TLL2: variants seen among roughly 807,000 people sequenced by gnomAD.
The protein encoded by TLL2 is tolloid like 2, also known as tolloid-like protein 2.
Under a neutral mutation model 123.0 loss-of-function variants are expected in TLL2, and 106 were observed. The observed-to-expected ratio is 0.86, with a 90% CI of 0.74 to 1.01. TLL2 has a LOEUF of 1.01. Ranked by LOEUF, TLL2 falls within the 50% of genes least tolerant of loss-of-function variation. TLL2 has a pLI of 0.00. For missense variants in TLL2, 1,332 were observed against 1,336.7 expected, an observed-to-expected ratio of 1.00 and a Z score of 0.06; for synonymous variants, 494 against 516.8, an observed-to-expected ratio of 0.96 and a Z score of 0.60.
In TLL2 at chr10:96,390,089, A is replaced by G. The variant is rs1437556638; in HGVS notation, c.1727-3011T>C. Among the ~76,000 whole-genome samples, 3 of 152,266 alleles carry G rather than the reference A, an allele frequency of 2.0e-5. No homozygotes were observed. In the East Asian group the frequency reaches 5.8e-4, roughly 29 times the overall value. On this transcript the variant is annotated intron_variant, in intron 13 of 20. Coordinates refer to ENST00000357947, the MANE Select transcript of TLL2 (RefSeq NM_012465.4). ...AAATCTGGGAGAGCGTGGCAGTAGA[A>G]GAGACTGGAAGCAGCATTCAGCTTA...
intron 4 of TLL2, among the ~76,000 whole-genome samples, chr10:96,430,576 T>C (rs951513291): frequency 1.3e-5 from 2 of 152,200 alleles, no homozygotes; most frequent in Non-Finnish European, 2.9e-5. Flanking sequence ...AAAACATTCA[T>C]ATAGAATAAA....
chr10:96,447,261 C>T (rs1046378403), intron 2 of TLL2, among the ~76,000 whole-genome samples: 3 of 152,244 alleles, frequency 2.0e-5, no homozygotes, highest in African/African-American at 4.8e-5. Context: ...CAGGCCCACA[C>T]GGCCTTGCCA....
chr10:96,489,894 C>T (rs548698283), intron 1 of TLL2, among the ~76,000 whole-genome samples: 6 of 152,078 alleles, frequency 3.9e-5, no homozygotes, highest in Non-Finnish European at 7.4e-5. Context: ...GTCAGGAGTT[C>T]GAGACCAGCC....
intron 13 of TLL2, among the ~76,000 whole-genome samples, chr10:96,394,122 G>T (rs946600453): frequency 6.6e-6 from 1 of 152,178 alleles, no homozygotes; most frequent in African/African-American, 2.4e-5. Flanking sequence ...AGAGGAGAAT[G>T]GAAGCAAGGG....
At chr10:96,388,264 G>A (rs1449796012) in intron 13 of TLL2, among the ~76,000 whole-genome samples, 1 of 152,094 alleles carries the variant, frequency 6.6e-6, no homozygotes, top group Non-Finnish European at 1.5e-5. Context: ...AGCCGGGAGT[G>A]GTGGTGCATG....
At chr10:96,421,964 C>T (rs1846628332) in intron 6 of TLL2, among the ~76,000 whole-genome samples, 1 of 152,186 alleles carries the variant, frequency 6.6e-6, no homozygotes, top group Non-Finnish European at 1.5e-5. Context: ...TTCTCTAAAG[C>T]ATTTGTAAGG....
At chr10:96,497,205 G>T (rs1847486218) in intron 1 of TLL2, among the ~76,000 whole-genome samples, 1 of 152,068 alleles carries the variant, frequency 6.6e-6, no homozygotes, top group South Asian at 2.1e-4. Flanking sequence ...CAGGAGAATT[G>T]CTTGAACCTG....
chr10:96,413,187 G>C lies in TLL2; in HGVS notation c.1048+5C>G. 3 of 1,613,922 alleles carry C rather than the reference G, an allele frequency of 1.9e-6. No homozygotes were observed. The highest frequency in any genetic ancestry group is 2.2e-5 in the South Asian group (2 of 91,070). On this transcript the variant is annotated splice_donor_5th_base_variant and intron_variant, in intron 8 of 20. Coordinates refer to ENST00000357947, the MANE Select transcript of TLL2 (RefSeq NM_012465.4). ...GTGCTGGCAGTCCCCACGGCTCATA[G>C]TTACCTGGGCATTTGTACAGCTTCC... is the stretch of plus-strand genomic sequence containing the variant.
chr10:96,431,334 C>T (rs539494510), intron 4 of TLL2, among the ~76,000 whole-genome samples: 4 of 152,132 alleles, frequency 2.6e-5, no homozygotes, highest in African/African-American at 7.2e-5. Context: ...GCTGCGGGAG[C>T]GAAAGGGAAC....
chr10:96,487,493 G>T (rs533115917), intron 1 of TLL2, among the ~76,000 whole-genome samples: 13 of 152,242 alleles, frequency 8.5e-5, no homozygotes, highest in Middle Eastern at 3.4e-3. Context: ...AAATCATGCT[G>T]CTATACTCAT....
At chr10:96,484,705 A>C (rs1847341683) in intron 1 of TLL2, among the ~76,000 whole-genome samples, 1 of 152,164 alleles carries the variant, frequency 6.6e-6, no homozygotes. Context: ...AAGAAAAATA[A>C]AATTTATGGA....
chr10:96,486,169 A>G (rs1484872768), intron 1 of TLL2, among the ~76,000 whole-genome samples: 1 of 152,248 alleles, frequency 6.6e-6, no homozygotes, highest in African/African-American at 2.4e-5. Context: ...TCATGAAAAG[A>G]AAATAATAAG....
chr10:96,511,196 C>T (rs528045649), intron 1 of TLL2, among the ~76,000 whole-genome samples: 1 of 152,316 alleles, frequency 6.6e-6, no homozygotes, highest in African/African-American at 2.4e-5. Context: ...TGGGAGGCTG[C>T]CCCTAAAGGT....
chr10:96,446,136 G>C lies in TLL2; in HGVS notation c.319C>G (p.Pro107Ala), dbSNP rs746900431. Residue 107 changes from proline (P) to alanine (A), a missense_variant, in exon 3 of 21, where the codon CCA (proline) becomes GCA (alanine). Pro to Ala is a conservative substitution (Grantham distance 27). Transcript: ENST00000357947. ...CCAGTGTCCATGGCTGTGGTGTCTG[G>C]GCTGCTCTCAGATGCCTGCTCTTCA... Reference protein sequence around the residue: ...GLEEQASESSPDTTAMDTGTK... With the variant: ...GLEEQASESSADTTAMDTGTK... 2 of 1,614,058 alleles carry C rather than the reference G, an allele frequency of 1.2e-6. No homozygotes were observed. Among genetic ancestry groups the C allele is most frequent in the South Asian group, 2.2e-5 (2 of 91,058 alleles).
chr10:96,432,801 A>G lies in TLL2; in HGVS notation c.520+6T>C. On this transcript the variant is annotated splice_donor_region_variant and intron_variant, in intron 4 of 20. Transcript: ENST00000357947. ...CCCAAAGCAGACCTTGTCTGTGGCT[A>G]CTGACCAGTGAAGTTCCCTCCAATG... The G allele has an allele frequency of 1.9e-6, 3 of 1,612,984 alleles. No individual in the cohort carries two copies. The highest frequency in any genetic ancestry group is 1.7e-6 in the Non-Finnish European group (2 of 1,179,220).
chr10:96,440,774 C>T (rs369063361), intron 3 of TLL2, among the ~76,000 whole-genome samples: 1 of 152,132 alleles, frequency 6.6e-6, no homozygotes, highest in African/African-American at 2.4e-5. Flanking sequence ...TGACAGCTTC[C>T]CCTTTGGTCC....
At chr10:96,474,702 A>G (rs1357126653) in intron 2 of TLL2, among the ~76,000 whole-genome samples, 1 of 152,220 alleles carries the variant, frequency 6.6e-6, no homozygotes, top group Non-Finnish European at 1.5e-5. Flanking sequence ...TAAACAGCAC[A>G]GCAGTATTCG....
At chr10:96,383,029 C>A (rs1400166746) in intron 16 of TLL2, among the ~76,000 whole-genome samples, 2 of 141,766 alleles carry the variant, frequency 1.4e-5, no homozygotes, top group African/African-American at 2.7e-5. Flanking sequence ...GGTATGAAGA[C>A]AGAATGGGAT....
In TLL2 at chr10:96,422,532, C is replaced by T; in HGVS notation, c.817+17G>A. The T allele has an allele frequency of 6.2e-7, 1 of 1,613,696 alleles. No individual in the cohort carries two copies. The highest frequency in any genetic ancestry group is 8.5e-7 in the Non-Finnish European group (1 of 1,179,902). On this transcript the variant is annotated intron_variant, in intron 6 of 20. Coordinates refer to ENST00000357947, the MANE Select transcript of TLL2 (RefSeq NM_012465.4). The stretch of plus-strand genomic sequence containing the variant: ...TTCTCGACCGGTGCCTTCCAGACTC[C>T]ACACAGGCCTCCTTACCTGGCTGGA...
Sources: gnomAD v4.1 joint callset for allele counts (sites outside exome capture counted in the v4.1 genomes callset) on GRCh38, gnomAD v4.1.1 for gene constraint, MANE v1.5 for transcripts, NCBI Gene and HGNC (gene_info 2026-07-23, HGNC 2026-07-21) for gene names.